The following RAD54L2 variants were observed in gnomAD, a reference collection of about 807,000 sequenced individuals.
RAD54L2 encodes the protein RAD54 like 2.
RAD54L2 carries 27 observed loss-of-function variants against 138.4 expected under a neutral mutation model. The ratio of observed to expected loss-of-function variants is 0.20; its 90% confidence interval spans 0.14 to 0.27. RAD54L2 has a LOEUF of 0.27. Ranked by LOEUF, RAD54L2 falls within the 10% of genes least tolerant of loss-of-function variation. The pLI, the probability that RAD54L2 is intolerant of heterozygous loss-of-function variation, is 1.00. For synonymous variants in RAD54L2, 644 were observed against 723.2 expected, an observed-to-expected ratio of 0.89 and a Z score of 1.76; for missense variants, 1,396 against 1,890.2, an observed-to-expected ratio of 0.74 and a Z score of 4.85.
Position 51,639,680 on chromosome 3 carries a change from G to A in RAD54L2, c.2112+10G>A. 3 of 1,612,998 alleles carry A rather than the reference G, an allele frequency of 1.9e-6. No homozygotes were observed. In the South Asian group the frequency reaches 3.3e-5, roughly 18 times the overall value. ...TGTCACATATGAATGGGTGAGTCAA[G>A]CAGATCCTTCAGGAACCATAAACTA... On this transcript the variant is annotated intron_variant, in intron 13 of 22. Coordinates refer to ENST00000684192, the MANE Select transcript of RAD54L2 (RefSeq NM_015106.4).
intron 3 of RAD54L2, among the ~76,000 whole-genome samples, chr3:51,594,066 C>CTTTTTTTTTTTT (rs904101025): frequency 4.4e-4 from 46 of 105,132 alleles, no homozygotes; most frequent in African/African-American, 5.8e-4. Flanking sequence ...TTTTCTTTTT[C>CTTTTTTTTTTTT]TTTTTTTTTT....
At chr3:51,631,806 A>C (rs1700850525) in intron 7 of RAD54L2, among the ~76,000 whole-genome samples, 1 of 150,758 alleles carries the variant, frequency 6.6e-6, no homozygotes, top group Admixed American at 6.6e-5. Context: ...ACTAATTTTT[A>C]ATTTTTTTGT....
intron 2 of RAD54L2, among the ~76,000 whole-genome samples, chr3:51,571,730 G>A (rs1017849508): frequency 2.6e-5 from 4 of 152,070 alleles, no homozygotes; most frequent in Non-Finnish European, 1.5e-5. Flanking sequence ...GTACATGTAC[G>A]CATGCACACG....
At chr3:51,556,722 A>G (rs2108698158) in intron 2 of RAD54L2, among the ~76,000 whole-genome samples, 1 of 152,062 alleles carries the variant, frequency 6.6e-6, no homozygotes, top group South Asian at 2.1e-4. Flanking sequence ...GATTACAGCC[A>G]TGCGCCACCA....
chr3:51,641,541 T>C (rs1366267751), intron 14 of RAD54L2, among the ~76,000 whole-genome samples: 1 of 152,062 alleles, frequency 6.6e-6, no homozygotes, highest in East Asian at 1.9e-4. Flanking sequence ...GGTCTGGAAC[T>C]CCTGACCTTA....
At chr3:51,607,877 CGGGCGGGGGCT>C (rs1466656808) in intron 3 of RAD54L2, among the ~76,000 whole-genome samples, 2 of 142,606 alleles carry the variant, frequency 1.4e-5, no homozygotes, top group Non-Finnish European at 3.1e-5. Context: ...GGGCGGCGGC[CGGGCGGGGGCT>C]GCCCCCCACC....
chr3:51,588,737 G>A (rs370702633), intron 2 of RAD54L2, among the ~76,000 whole-genome samples: 1 of 152,034 alleles, frequency 6.6e-6, no homozygotes, highest in East Asian at 1.9e-4. Flanking sequence ...AGTGATAAGA[G>A]AGACAGACAT....
At chr3:51,652,189 T>C (rs1404416192) in intron 19 of RAD54L2, among the ~76,000 whole-genome samples, 1 of 152,046 alleles carries the variant, frequency 6.6e-6, no homozygotes, top group East Asian at 1.9e-4. Flanking sequence ...CACAATTGCT[T>C]CAAAGAGAAT....
intron 2 of RAD54L2, among the ~76,000 whole-genome samples, chr3:51,582,248 C>G (rs973378096): frequency 2.0e-5 from 3 of 152,106 alleles, no homozygotes; most frequent in Non-Finnish European, 2.9e-5. Context: ...TGTGGAAAGA[C>G]ACAGGACTCA....
Position 51,662,893 on chromosome 3 carries a change from G to A in RAD54L2, c.3877G>A (p.Gly1293Arg), listed in dbSNP as rs759520363. 1.9e-6 allele frequency: 3 copies of A among 1,613,758 alleles called. No individual in the cohort carries two copies. Among genetic ancestry groups the A allele is most frequent in the Non-Finnish European group, 1.7e-6 (2 of 1,179,862 alleles). ...TGAACACGGGTATCCAGTCTCTGGC[G>A]GGTTTGCCATGCCACCCGTCTCCTT... ...PYEHGYPVSG[G>R]FAMPPVSLNH... The change falls in exon 23 of 23, where the codon GGG becomes AGG. Residue 1293 changes from glycine to arginine, a missense_variant. This residue lies in a region of RAD54L2 where 634 missense variants were observed against 711.2 expected (regional missense o/e 0.89). Coordinates refer to ENST00000684192, the MANE Select transcript of RAD54L2 (RefSeq NM_015106.4). The surrounding 1 kb of genome is among the most constrained non-coding windows in gnomAD (Gnocchi z 4.6).
At chr3:51,565,019 CT>C (rs1304487419) in intron 2 of RAD54L2, among the ~76,000 whole-genome samples, 1 of 152,092 alleles carries the variant, frequency 6.6e-6, no homozygotes, top group African/African-American at 2.4e-5. Flanking sequence ...GTGTCTAGAC[CT>C]GAGATTAGAA....
intron 2 of RAD54L2, among the ~76,000 whole-genome samples, chr3:51,590,086 G>A (rs1053806448): frequency 2.6e-4 from 40 of 152,242 alleles, no homozygotes; most frequent in African/African-American, 9.1e-4. Flanking sequence ...TGCCTCCCCG[G>A]TTCAAGCAAT....
intron 2 of RAD54L2, among the ~76,000 whole-genome samples, chr3:51,557,830 C>CAAA (rs1166273906): frequency 3.7e-4 from 12 of 32,114 alleles, no homozygotes; most frequent in Non-Finnish European, 6.3e-4. Context: ...AACTCCATCT[C>CAAA]AAAAAAAAAA....
At chr3:51,639,745 G>T (rs1251327518) in intron 13 of RAD54L2, 75 bp downstream of exon 13, 1 of 1,574,324 alleles carries the variant, frequency 6.4e-7, no homozygotes, top group Admixed American at 1.8e-5. Flanking sequence ...CTGGGGAAGG[G>T]GTAGGGATGC....
intron 3 of RAD54L2, among the ~76,000 whole-genome samples, chr3:51,607,552 A>C (rs1006102326): frequency 6.6e-6 from 1 of 151,936 alleles, no homozygotes; most frequent in East Asian, 1.9e-4. Flanking sequence ...TCTTTTCCCC[A>C]CATTTCCCCC....
At chr3:51,552,679 C>T (rs1698869030) in intron 2 of RAD54L2, among the ~76,000 whole-genome samples, 2 of 150,818 alleles carry the variant, frequency 1.3e-5, no homozygotes, top group Admixed American at 6.6e-5. Context: ...TCAAGTGATC[C>T]TCCCACCTCA....
intron 3 of RAD54L2, among the ~76,000 whole-genome samples, chr3:51,621,436 A>G (rs1700567639): frequency 1.3e-5 from 2 of 152,244 alleles, no homozygotes. Context: ...AGGAGTTCAC[A>G]GTGGGCCACA....
intron 19 of RAD54L2, among the ~76,000 whole-genome samples, chr3:51,654,061 T>TG (rs1701529136): frequency 6.6e-6 from 1 of 152,116 alleles, no homozygotes; most frequent in Non-Finnish European, 1.5e-5. Flanking sequence ...TTGTCTTTTT[T>TG]GGGGGTGGGG....
intron 3 of RAD54L2, among the ~76,000 whole-genome samples, chr3:51,598,610 G>A (rs1175528780): frequency 1.3e-5 from 2 of 152,036 alleles, no homozygotes; most frequent in African/African-American, 2.4e-5. Context: ...ACAAAAATTA[G>A]CTGGGCATGG....
Sources: gnomAD v4.1 joint callset for allele counts (sites outside exome capture counted in the v4.1 genomes callset) on GRCh38, gnomAD v4.1.1 for gene constraint, gnomAD v4.1.1 regional missense constraint, Gnocchi (gnomAD v3.1) non-coding constraint, MANE v1.5 for transcripts, NCBI Gene and HGNC (gene_info 2026-07-23, HGNC 2026-07-21) for gene names.